The following PDE3A variants were observed in gnomAD, a reference collection of about 807,000 sequenced individuals.
PDE3A encodes the protein phosphodiesterase 3A.
In PDE3A, 43 loss-of-function variants were observed where a neutral mutation model predicts 98.3. The ratio of observed to expected loss-of-function variants is 0.44; its 90% CI spans 0.34 to 0.56. The LOEUF is 0.56. PDE3A is among the 20% of genes least tolerant of loss of function. The probability of loss-of-function intolerance (pLI) is 0.01; values close to 1 mark genes in which losing one functional copy is unlikely to be tolerated. For missense variants in PDE3A, 1,427 were observed against 1,440.7 expected (o/e 0.99, Z 0.15); for synonymous variants, 663 against 567.9 (o/e 1.17, Z -2.38).
At chr12:20,441,208 A>T (rs1477040429) in intron 1 of PDE3A, among the ~76,000 whole-genome samples, 1 of 152,216 alleles carries the variant, frequency 6.6e-6, no homozygotes, top group East Asian at 1.9e-4. Context: ...AAACTGTGTT[A>T]TAGTCCAGAC....
intron 1 of PDE3A, among the ~76,000 whole-genome samples, chr12:20,502,010 T>G (rs1048003980): frequency 6.6e-6 from 1 of 152,172 alleles, no homozygotes; most frequent in African/African-American, 2.4e-5. Context: ...GGAATACGGA[T>G]AATTGTTCAC....
intron 12 of PDE3A, among the ~76,000 whole-genome samples, chr12:20,647,563 CATTT>C (rs1460892667): frequency 4.6e-5 from 7 of 152,148 alleles, no homozygotes; most frequent in Admixed American, 1.3e-4. Context: ...TTTAGCCCCT[CATTT>C]ATTTAATTAG....
intron 2 of PDE3A, among the ~76,000 whole-genome samples, chr12:20,609,018 A>AT (rs1454509178): frequency 6.6e-6 from 1 of 152,038 alleles, no homozygotes; most frequent in Non-Finnish European, 1.5e-5. Flanking sequence ...ACTGGATGAG[A>AT]TTTTCAGAAG....
At chr12:20,620,706 C>G (rs1592119761) in intron 4 of PDE3A, among the ~76,000 whole-genome samples, 1 of 151,952 alleles carries the variant, frequency 6.6e-6, no homozygotes, top group East Asian at 1.9e-4. Flanking sequence ...TCTCCTAGTT[C>G]CTATCATCAG....
intron 2 of PDE3A, among the ~76,000 whole-genome samples, chr12:20,564,364 A>ACTT (rs1310069101): frequency 2.6e-5 from 4 of 152,118 alleles, no homozygotes; most frequent in African/African-American, 9.7e-5. Flanking sequence ...TAATCTTGAC[A>ACTT]CTTTATGTAG....
In PDE3A at chr12:20,552,932, G is replaced by A. The variant is rs529294253; in HGVS notation, c.961-3728G>A. ...CCTGCCTGCCGCTACGACCTGGGCC[G>A]CAGCTATGCCATGCAGGTGAACCAG... On this transcript the variant is annotated intron_variant, in intron 1 of 15. Coordinates refer to ENST00000359062, the MANE Select transcript of PDE3A (RefSeq NM_000921.5). The surrounding 1 kb of genome is among the most constrained non-coding windows in gnomAD (Gnocchi z 5.1). The A allele has an allele frequency of 5.7e-6, 9 of 1,575,316 alleles. No homozygotes were observed. The East Asian group carries it at 9.5e-5, about 17-fold the overall frequency.
intron 1 of PDE3A, among the ~76,000 whole-genome samples, chr12:20,484,467 A>C (rs1175929031): frequency 6.6e-6 from 1 of 152,178 alleles, no homozygotes; most frequent in Non-Finnish European, 1.5e-5. Context: ...GTAAGGGAAA[A>C]TGTGATTTTT....
At chr12:20,441,415 A>G (rs185306371) in intron 1 of PDE3A, among the ~76,000 whole-genome samples, 4 of 152,210 alleles carry the variant, frequency 2.6e-5, no homozygotes, top group African/African-American at 9.7e-5. Flanking sequence ...ATGGTATTGA[A>G]GAAGAATAGT....
At chr12:20,397,018 A>T (rs944098341) in intron 1 of PDE3A, among the ~76,000 whole-genome samples, 2 of 151,632 alleles carry the variant, frequency 1.3e-5, no homozygotes, top group African/African-American at 4.8e-5. Flanking sequence ...TATATAGAAA[A>T]TTTTTTTTAA....
chr12:20,442,867 A>G (rs1328945350), intron 1 of PDE3A, among the ~76,000 whole-genome samples: 1 of 152,212 alleles, frequency 6.6e-6, no homozygotes. Flanking sequence ...ATGTGTTAAA[A>G]CTATATCGTT....
intron 2 of PDE3A, among the ~76,000 whole-genome samples, chr12:20,573,766 A>C (rs1439906172): frequency 6.6e-6 from 1 of 152,122 alleles, no homozygotes; most frequent in Non-Finnish European, 1.5e-5. Flanking sequence ...TATTTGCTAA[A>C]CCTGAATTTT....
At chr12:20,567,937 T>C (rs1336637739) in intron 2 of PDE3A, among the ~76,000 whole-genome samples, 1 of 152,050 alleles carries the variant, frequency 6.6e-6, no homozygotes, top group Non-Finnish European at 1.5e-5. Flanking sequence ...AAAAGCATTA[T>C]TTTAACTTCA....
intron 2 of PDE3A, among the ~76,000 whole-genome samples, chr12:20,607,453 A>G (rs1301138279): frequency 6.6e-6 from 1 of 151,106 alleles, no homozygotes; most frequent in African/African-American, 2.4e-5. Context: ...AAAAAAAAAG[A>G]AAAAAGAAAA....
chr12:20,373,910 C>T (rs528184388), intron 1 of PDE3A, among the ~76,000 whole-genome samples: 9 of 152,168 alleles, frequency 5.9e-5, no homozygotes, highest in African/African-American at 2.2e-4. Context: ...TATTCTTTGA[C>T]AAAAAACTTG....
intron 1 of PDE3A, among the ~76,000 whole-genome samples, chr12:20,488,894 A>C (rs1056369706): frequency 6.6e-6 from 1 of 151,700 alleles, no homozygotes; most frequent in South Asian, 2.1e-4. Flanking sequence ...AAAAAAAAAA[A>C]AGAGAAAAAG....
intron 15 of PDE3A, among the ~76,000 whole-genome samples, chr12:20,672,684 A>T (rs1945518430): frequency 8.2e-6 from 1 of 122,602 alleles, no homozygotes; most frequent in Admixed American, 8.6e-5. Context: ...CTTACACCTT[A>T]TACAAAAATC....
chr12:20,371,306 G>C, intron 1 of PDE3A: 2 of 979,900 alleles, frequency 2.0e-6, no homozygotes, highest in Non-Finnish European at 2.4e-6. Flanking sequence ...TGCCTCCCTA[G>C]TTGAAGCAGA....
chr12:20,509,641 ATGTCTAGCTCTGAAATTATTGTAG>A (rs1946183540), intron 1 of PDE3A, among the ~76,000 whole-genome samples: 1 of 152,040 alleles, frequency 6.6e-6, no homozygotes, highest in South Asian at 2.1e-4. Context: ...TTGTTTTATA[ATGTCTAGCTCTGAAATTATTGTAG>A]CCTCTGTTTT....
At position 20,552,759 on chromosome 12, in the gene PDE3A, G is replaced by C; in HGVS notation, c.961-3901G>C. 1.2e-6 allele frequency: 2 copies of C among 1,614,054 alleles called. No homozygotes were observed. Among genetic ancestry groups the C allele is most frequent in the East Asian group, 4.5e-5 (2 of 44,882 alleles). On this transcript the variant is annotated intron_variant, in intron 1 of 15. Coordinates refer to ENST00000359062, the MANE Select transcript of PDE3A (RefSeq NM_000921.5). The surrounding 1 kb of genome is among the most constrained non-coding windows in gnomAD (Gnocchi z 5.1). Reference sequence around the variant, plus strand: ...AGGACCGGCCGGCGAGCGGCAGCCCGTTCCAGTTGTTCCTGAGTAAAGTGG... The same window carrying C: ...AGGACCGGCCGGCGAGCGGCAGCCCCTTCCAGTTGTTCCTGAGTAAAGTGG...
Sources: gnomAD v4.1 joint callset for allele counts (sites outside exome capture counted in the v4.1 genomes callset) on GRCh38, gnomAD v4.1.1 for gene constraint, Gnocchi (gnomAD v3.1) non-coding constraint, MANE v1.5 for transcripts, NCBI Gene and HGNC (gene_info 2026-07-23, HGNC 2026-07-21) for gene names.